Variants in LRRC7 observed in about 807,000 individuals in gnomAD.
LRRC7 encodes the protein leucine-rich repeat-containing protein 7.
Under a neutral mutation model 175.7 loss-of-function variants are expected in LRRC7, and 23 were observed. The observed-to-expected ratio is 0.13, with a 90% CI of 0.09 to 0.19. The LOEUF (loss-of-function observed/expected upper bound fraction) is 0.19, where lower values mean the gene tolerates loss of function less well. LRRC7 is among the 10% of genes least tolerant of loss of function. LRRC7 has a pLI of 1.00. For missense variants in LRRC7, 1,354 were observed against 1,904.7 expected (o/e 0.71, Z 5.38); for synonymous variants, 685 against 680.9 (o/e 1.01, Z -0.09).
intron 1 of LRRC7, among the ~76,000 whole-genome samples, chr1:69,589,154 ATGTC>A (rs1646531756): frequency 8.8e-6 from 1 of 113,724 alleles, no homozygotes; most frequent in Non-Finnish European, 1.9e-5. Context: ...GTGTGTGTGT[ATGTC>A]TGTGTGTGTG....
chr1:69,725,497 C>A (rs1452632912), intron 2 of LRRC7, among the ~76,000 whole-genome samples: 1 of 151,922 alleles, frequency 6.6e-6, no homozygotes, highest in Non-Finnish European at 1.5e-5. Flanking sequence ...AATTGAAAAC[C>A]AATTGTTACA....
At chr1:69,702,731 G>A (rs71651423) in intron 2 of LRRC7, among the ~76,000 whole-genome samples, 11,972 of 152,034 alleles carry the variant, frequency 0.079, 553 homozygotes, top group East Asian at 0.14. Flanking sequence ...ATAAATGATG[G>A]AAAAATGATT....
chr1:69,712,638 C>G (rs75950739), intron 2 of LRRC7, among the ~76,000 whole-genome samples: 1 of 152,022 alleles, frequency 6.6e-6, no homozygotes, highest in Admixed American at 6.6e-5. Flanking sequence ...AAAAAAGAAC[C>G]ATTAGGGCTA....
chr1:70,090,783 C>A (rs997542514), intron 25 of LRRC7, among the ~76,000 whole-genome samples: 3 of 152,086 alleles, frequency 2.0e-5, no homozygotes, highest in Non-Finnish European at 4.4e-5. Context: ...ATTATAAAAA[C>A]CTACAGATTA....
chr1:69,606,055 C>T (rs1044528548), intron 1 of LRRC7, among the ~76,000 whole-genome samples: 6 of 152,126 alleles, frequency 3.9e-5, no homozygotes, highest in Non-Finnish European at 4.4e-5. Flanking sequence ...GCTTTAAGTG[C>T]GTATATGTTT....
rs1209486919 is a variant in LRRC7, at chr1:69,923,769, G to C, written c.648-7738G>C. Among the ~76,000 whole-genome samples, 27 of 152,070 alleles carry C rather than the reference G, an allele frequency of 1.8e-4. No individual in the cohort carries two copies. In the East Asian group the frequency reaches 5.0e-3, roughly 28 times the overall value. ...TTGTGGGTTGCCTGTTCACTCTGAT[G>C]GTAGTTTCTTTTGCTGTGCAGAAGC... is the stretch of plus-strand genomic sequence containing the variant. On this transcript the variant is annotated intron_variant, in intron 7 of 26. Transcript: ENST00000651989.
intron 7 of LRRC7, among the ~76,000 whole-genome samples, chr1:69,918,165 A>G (rs1294228036): frequency 6.6e-6 from 1 of 152,178 alleles, no homozygotes; most frequent in Non-Finnish European, 1.5e-5. Context: ...CCTTCAGAGC[A>G]GAGGCTGTGT....
chr1:69,961,295 A>G (rs1651058407), intron 8 of LRRC7, among the ~76,000 whole-genome samples: 1 of 152,220 alleles, frequency 6.6e-6, no homozygotes, highest in Non-Finnish European at 1.5e-5. Context: ...TGATCTCTAC[A>G]AGGAGAGCTA....
chr1:69,582,757 G>A (rs1168732187), intron 1 of LRRC7, among the ~76,000 whole-genome samples: 1 of 152,114 alleles, frequency 6.6e-6, no homozygotes, highest in South Asian at 2.1e-4. Context: ...CAAAGGAATG[G>A]CAGTAATGGA....
intron 1 of LRRC7, among the ~76,000 whole-genome samples, chr1:69,598,893 A>T (rs1418007): frequency 1.3e-5 from 2 of 152,246 alleles, no homozygotes; most frequent in Non-Finnish European, 1.5e-5. Flanking sequence ...TCCCATTTGA[A>T]GCTCTTACGT....
chr1:69,745,311 A>G (rs1321706331), intron 2 of LRRC7, among the ~76,000 whole-genome samples: 1 of 151,996 alleles, frequency 6.6e-6, no homozygotes, highest in Non-Finnish European at 1.5e-5. Context: ...CACTAAACTG[A>G]CAAAGATTGA....
chr1:70,060,428 T>C (rs183049930), intron 23 of LRRC7, among the ~76,000 whole-genome samples: 13 of 152,318 alleles, frequency 8.5e-5, no homozygotes, highest in Admixed American at 7.8e-4. Flanking sequence ...TCTGTGTATG[T>C]AGAACTGGAA....
chr1:69,620,996 C>T (rs1325109750), intron 1 of LRRC7, among the ~76,000 whole-genome samples: 1 of 151,898 alleles, frequency 6.6e-6, no homozygotes, highest in Admixed American at 6.6e-5. Flanking sequence ...TATCTCACTG[C>T]CTTTTCTCTG....
intron 9 of LRRC7, among the ~76,000 whole-genome samples, chr1:69,983,162 A>G (rs1361486960): frequency 1.3e-5 from 2 of 152,122 alleles, no homozygotes; most frequent in African/African-American, 4.8e-5. Context: ...AAGTGACAAT[A>G]TTTTTCCAAG....
chr1:69,805,339 A>T (rs927677456), intron 4 of LRRC7, among the ~76,000 whole-genome samples: 1 of 151,780 alleles, frequency 6.6e-6, no homozygotes, highest in Non-Finnish European at 1.5e-5. Context: ...TAAACATCTG[A>T]GCACATTACT....
At chr1:69,863,886 T>G (rs1235484417) in intron 7 of LRRC7, among the ~76,000 whole-genome samples, 1 of 152,130 alleles carries the variant, frequency 6.6e-6, no homozygotes, top group African/African-American at 2.4e-5. Flanking sequence ...CAAGAAAATG[T>G]TTCTACACTC....
intron 3 of LRRC7, among the ~76,000 whole-genome samples, chr1:69,769,296 T>G (rs552231200): frequency 3.7e-4 from 56 of 152,302 alleles, no homozygotes; most frequent in Admixed American, 6.5e-4. Context: ...ACAATTGTGG[T>G]GATGATCAAA....
intron 10 of LRRC7, among the ~76,000 whole-genome samples, chr1:69,986,961 G>A (rs978773970): frequency 2.6e-5 from 4 of 152,028 alleles, no homozygotes; most frequent in African/African-American, 9.7e-5. Flanking sequence ...ATGTTTACAT[G>A]GGCCAGGCGC....
intron 8 of LRRC7, among the ~76,000 whole-genome samples, chr1:69,973,140 T>A (rs980590049): frequency 2.1e-4 from 31 of 150,964 alleles, no homozygotes; most frequent in Admixed American, 1.7e-3. Flanking sequence ...CACAGCAACC[T>A]GGATGAGACT....
Sources: allele counts gnomAD v4.1 joint callset (sites outside exome capture counted in the v4.1 genomes callset), GRCh38; gene constraint gnomAD v4.1.1; transcripts MANE v1.5; gene names NCBI Gene and HGNC (gene_info 2026-07-23, HGNC 2026-07-21).